INSYN2B: variants seen among roughly 807,000 people sequenced by gnomAD.
INSYN2B encodes protein INSYN2B.
In INSYN2B, 16 loss-of-function variants were observed where a neutral mutation model predicts 41.2. The observed-to-expected ratio is 0.39, with a 90% confidence interval of 0.26 to 0.59. The LOEUF (loss-of-function observed/expected upper bound fraction) is 0.59. Ranked by LOEUF, INSYN2B falls within the 20% of genes least tolerant of loss-of-function variation. INSYN2B has a pLI of 0.57. For synonymous variants in INSYN2B, 245 were observed against 244.4 expected (o/e 1.00, Z -0.02); for missense variants, 608 against 646.4 (o/e 0.94, Z 0.64).
At chr5:169,931,544 G>A (rs1321924998) in intron 1 of INSYN2B, among the ~76,000 whole-genome samples, 3 of 152,194 alleles carry the variant, frequency 2.0e-5, no homozygotes, top group Non-Finnish European at 2.9e-5. Context: ...TTTGGGGTGG[G>A]AGGTCAGACC....
intron 1 of INSYN2B, among the ~76,000 whole-genome samples, chr5:169,959,373 GAA>G (rs796836948): frequency 7.4e-6 from 1 of 135,328 alleles, no homozygotes; most frequent in African/African-American, 2.6e-5. Flanking sequence ...CGTCTCAAAA[GAA>G]AAAAAAAAAA....
Position 169,964,545 on chromosome 5 carries a change from C to T in INSYN2B, c.-919+15732G>A, listed in dbSNP as rs528607902. Reference sequence around the variant, plus strand: ...CTGCTGGAATAGAAACCCAGCATCTCCGCCTGGAGGGCTTCCTTTTGCCAC... The same window carrying T: ...CTGCTGGAATAGAAACCCAGCATCTTCGCCTGGAGGGCTTCCTTTTGCCAC... On this transcript the variant is annotated intron_variant, in intron 1 of 3. Transcript: ENST00000377365. 5.3e-5 allele frequency among the ~76,000 whole-genome samples: 8 copies of T among 152,360 alleles called. No individual in the cohort carries two copies. In the South Asian group the frequency reaches 1.7e-3, roughly 32 times the overall value.
intron 1 of INSYN2B, among the ~76,000 whole-genome samples, chr5:169,927,599 A>G (rs1775526973): frequency 6.6e-6 from 1 of 152,256 alleles, no homozygotes; most frequent in African/African-American, 2.4e-5. Context: ...CTGTGTGATC[A>G]GGAGGTAAAA....
rs1298176861 is a variant in INSYN2B at position 169,863,784 on chromosome 5, T to C, written c.*489A>G. 1.3e-5 allele frequency among the ~76,000 whole-genome samples: 2 copies of C among 152,252 alleles called. No homozygotes were observed. Among genetic ancestry groups the C allele is most frequent in the African/African-American group, 4.8e-5 (2 of 41,468 alleles). ...CCACTTCTCTTGTGCTTATTATGTA[T>C]GCTGATATCTTAGAAAACTGCCAGT... On this transcript the variant is annotated 3_prime_UTR_variant, in exon 4 of 4. Transcript: ENST00000377365.
chr5:169,949,236 A>T (rs1776564370), intron 1 of INSYN2B, among the ~76,000 whole-genome samples: 2 of 152,194 alleles, frequency 1.3e-5, no homozygotes, highest in African/African-American at 4.8e-5. Context: ...TATGTGCAGA[A>T]TGTGGTAGGG....
At chr5:169,916,944 A>G (rs1326438401) in intron 1 of INSYN2B, among the ~76,000 whole-genome samples, 1 of 152,192 alleles carries the variant, frequency 6.6e-6, no homozygotes, top group African/African-American at 2.4e-5. Flanking sequence ...GCTGTAAAGA[A>G]ATGCAAATAG....
chr5:169,925,028 T>G (rs1449501406), intron 1 of INSYN2B, among the ~76,000 whole-genome samples: 1 of 152,240 alleles, frequency 6.6e-6, no homozygotes, highest in Non-Finnish European at 1.5e-5. Flanking sequence ...AATTAAATCA[T>G]CAATAATATT....
chr5:169,917,991 G>C (rs575869028), intron 1 of INSYN2B, among the ~76,000 whole-genome samples: 1 of 152,158 alleles, frequency 6.6e-6, no homozygotes, highest in Non-Finnish European at 1.5e-5. Flanking sequence ...GTGTGTTCTC[G>C]TTACAGAATT....
At chr5:169,909,433 A>G (rs923513535) in intron 1 of INSYN2B, among the ~76,000 whole-genome samples, 1 of 152,234 alleles carries the variant, frequency 6.6e-6, no homozygotes, top group South Asian at 2.1e-4. Context: ...ATTTAAAAAA[A>G]TCTAAGTTTT....
rs1775297261 is a variant in INSYN2B at position 169,923,737 on chromosome 5, G to A, written c.-918-38921C>T. On this transcript the variant is annotated intron_variant, in intron 1 of 3. Coordinates refer to ENST00000377365, the MANE Select transcript of INSYN2B (RefSeq NM_001129891.3). ...GTTTTAAAGTGCCTTAAAAATGTGA[G>A]TAACTGTGTTTAGGTAAAAACATAT... Among the ~76,000 whole-genome samples, 4 of 152,318 alleles carry A rather than the reference G, an allele frequency of 2.6e-5. No individual in the cohort carries two copies. The South Asian group carries it at 8.3e-4, about 32-fold the overall frequency.
At chr5:169,970,411 T>C (rs1050733148) in intron 1 of INSYN2B, among the ~76,000 whole-genome samples, 2 of 152,182 alleles carry the variant, frequency 1.3e-5, no homozygotes, top group Non-Finnish European at 2.9e-5. Flanking sequence ...CTGGCTGAAA[T>C]AAGGCTGGGA....
chr5:169,893,809 G>A (rs1017387108), intron 1 of INSYN2B, among the ~76,000 whole-genome samples: 1 of 152,176 alleles, frequency 6.6e-6, no homozygotes, highest in Non-Finnish European at 1.5e-5. Context: ...CAATGTTGAC[G>A]TGTCAACATT....
At chr5:169,953,127 G>C (rs1317495377) in intron 1 of INSYN2B, among the ~76,000 whole-genome samples, 1 of 152,102 alleles carries the variant, frequency 6.6e-6, no homozygotes. Flanking sequence ...TTCAAGACCA[G>C]CCTGGCCAAC....
Position 169,864,237 on chromosome 5 carries a change from G to A in INSYN2B, c.*36C>T, listed in dbSNP as rs896211437. 1.4e-5 allele frequency: 21 copies of A among 1,518,096 alleles called. No homozygotes were observed. In the Admixed American group the frequency reaches 2.7e-4, roughly 20 times the overall value. The allele number at this position is 1,518,096 out of a possible 1,614,324, so 94.0% of individuals were successfully genotyped here. A position where few individuals can be genotyped will look rare whatever the true frequency, so the allele number is the denominator to read the frequency against. On this transcript the variant is annotated 3_prime_UTR_variant, in exon 4 of 4. Transcript: ENST00000377365. ...TGGATTTCCCATCTCAGGGAAGTGC[G>A]TGGAGTTGGGGGGCTGGGGGATGGT...
At chr5:169,900,650 G>T (rs554417221) in intron 1 of INSYN2B, among the ~76,000 whole-genome samples, 1 of 152,166 alleles carries the variant, frequency 6.6e-6, no homozygotes, top group African/African-American at 2.4e-5. Flanking sequence ...TAGAAGCTTC[G>T]ATTAGCAGTA....
At chr5:169,875,929 G>A (rs1772304912) in intron 3 of INSYN2B, 1 of 152,192 alleles carries the variant, frequency 6.6e-6, no homozygotes, top group African/African-American at 2.4e-5. Context: ...CAAATTTAAT[G>A]GCTTAAAACA....
At chr5:169,869,451 C>A (rs1328646888) in intron 3 of INSYN2B, among the ~76,000 whole-genome samples, 1 of 152,166 alleles carries the variant, frequency 6.6e-6, no homozygotes, top group African/African-American at 2.4e-5. Flanking sequence ...TAGGCCAAAG[C>A]AATTTATTAA....
intron 1 of INSYN2B, among the ~76,000 whole-genome samples, chr5:169,913,664 A>G (rs543485870): frequency 2.0e-5 from 3 of 152,216 alleles, no homozygotes; most frequent in African/African-American, 7.2e-5. Flanking sequence ...GAGCTATTTC[A>G]CACTTTGTTG....
At chr5:169,865,324 G>A (rs1639766826) in intron 3 of INSYN2B, among the ~76,000 whole-genome samples, 1 of 152,164 alleles carries the variant, frequency 6.6e-6, no homozygotes, top group African/African-American at 2.4e-5. Flanking sequence ...GGTCAGGGGA[G>A]GTGGGCGTTG....
Sources: gnomAD v4.1 joint callset for allele counts (sites outside exome capture counted in the v4.1 genomes callset) on GRCh38, gnomAD v4.1.1 for gene constraint, MANE v1.5 for transcripts, NCBI Gene and HGNC (gene_info 2026-07-23, HGNC 2026-07-21) for gene names.